HS6ST3: variants seen among roughly 807,000 people sequenced by gnomAD.
HS6ST3 encodes heparan sulfate 6-O-sulfotransferase 3.
A neutral mutation model predicts 36.7 loss-of-function variants in HS6ST3; 12 were observed. The ratio of observed to expected loss-of-function variants is 0.33; its 90% CI spans 0.21 to 0.53. HS6ST3 has a LOEUF of 0.53. Among genes scored for constraint, HS6ST3 ranks in the 20% least tolerant of loss-of-function variants. The probability of loss-of-function intolerance (pLI) is 0.95; values close to 1 mark genes in which losing one functional copy is unlikely to be tolerated. For missense variants in HS6ST3, 584 were observed against 640.9 expected (o/e 0.91, Z 0.96); for synonymous variants, 240 against 257.5 (o/e 0.93, Z 0.65).
At chr13:96,757,787 A>C (rs373741110) in intron 1 of HS6ST3, among the ~76,000 whole-genome samples, 2 of 152,168 alleles carry the variant, frequency 1.3e-5, no homozygotes, top group Non-Finnish European at 2.9e-5. Flanking sequence ...ATTTTCAACT[A>C]TTAAACCAAT....
Position 96,801,416 on chromosome 13 carries a change from C to T in HS6ST3, c.708-31074C>T, listed in dbSNP as rs927874163. 4.6e-5 allele frequency among the ~76,000 whole-genome samples: 7 copies of T among 152,148 alleles called. No homozygotes were observed. In the South Asian group the frequency reaches 1.2e-3, roughly 27 times the overall value. On this transcript the variant is annotated intron_variant, in intron 1 of 1. Coordinates refer to ENST00000376705, the MANE Select transcript of HS6ST3 (RefSeq NM_153456.4). Reference sequence around the variant, plus strand: ...AGATGCTGTCCAATATACCGTATGTCTTTCTAGGTTTATTTACCCTTCTGC... The same window carrying T: ...AGATGCTGTCCAATATACCGTATGTTTTTCTAGGTTTATTTACCCTTCTGC...
intron 1 of HS6ST3, among the ~76,000 whole-genome samples, chr13:96,787,379 T>C (rs1415648790): frequency 1.3e-5 from 2 of 152,148 alleles, no homozygotes; most frequent in African/African-American, 4.8e-5. Context: ...TTACAGTTGT[T>C]TCCCATCCTT....
chr13:96,481,160 C>T (rs1367873359), intron 1 of HS6ST3, among the ~76,000 whole-genome samples: 1 of 152,160 alleles, frequency 6.6e-6, no homozygotes, highest in African/African-American at 2.4e-5. Flanking sequence ...CCATCTCTGT[C>T]CTTTGCCCCA....
At chr13:96,285,214 A>G (rs1430198361) in intron 1 of HS6ST3, among the ~76,000 whole-genome samples, 24 of 152,140 alleles carry the variant, frequency 1.6e-4, no homozygotes, top group Admixed American at 1.6e-3. Context: ...AAAGATCTAC[A>G]ACTCTGACAT....
intron 1 of HS6ST3, among the ~76,000 whole-genome samples, chr13:96,317,956 C>G (rs1034848021): frequency 6.6e-6 from 1 of 151,906 alleles, no homozygotes; most frequent in African/African-American, 2.4e-5. Flanking sequence ...GATATTAGAT[C>G]TTTGTTAGAT....
chr13:96,798,634 C>A (rs374919256), intron 1 of HS6ST3, among the ~76,000 whole-genome samples: 1 of 152,030 alleles, frequency 6.6e-6, no homozygotes, highest in South Asian at 2.1e-4. Flanking sequence ...AATTTCTCTG[C>A]GCCTCAATGT....
rs547840993 is a variant in HS6ST3 at position 96,445,599 on chromosome 13, G to A, written c.707+354030G>A. Among the ~76,000 whole-genome samples the A allele has an allele frequency of 3.3e-5, 5 of 152,106 alleles. No homozygotes were observed. In the South Asian group the frequency reaches 8.3e-4, roughly 25 times the overall value. The stretch of plus-strand genomic sequence containing the variant: ...TACAATGTTATGGCTGGATGTGGTG[G>A]CTCACACCTGTAATCCCAGCACTTT... On this transcript the variant is annotated intron_variant, in intron 1 of 1. Coordinates refer to ENST00000376705, the MANE Select transcript of HS6ST3 (RefSeq NM_153456.4).
chr13:96,617,691 G>C (rs996628210), intron 1 of HS6ST3, among the ~76,000 whole-genome samples: 10 of 152,200 alleles, frequency 6.6e-5, no homozygotes, highest in Admixed American at 6.6e-4. Flanking sequence ...CTCTAGGTCA[G>C]TGGTTGGCAA....
chr13:96,659,345 TA>T (rs2056638370), intron 1 of HS6ST3, among the ~76,000 whole-genome samples: 1 of 152,176 alleles, frequency 6.6e-6, no homozygotes, highest in Non-Finnish European at 1.5e-5. Flanking sequence ...TGTTCAATTT[TA>T]AAAATAGTTT....
intron 1 of HS6ST3, among the ~76,000 whole-genome samples, chr13:96,768,524 A>G (rs1000735635): frequency 4.6e-5 from 7 of 152,140 alleles, no homozygotes; most frequent in Non-Finnish European, 7.3e-5. Context: ...TAGAATTTTA[A>G]CATGAATACT....
intron 1 of HS6ST3, among the ~76,000 whole-genome samples, chr13:96,094,536 G>A (rs1429397763): frequency 6.6e-6 from 1 of 152,128 alleles, no homozygotes; most frequent in Non-Finnish European, 1.5e-5. Flanking sequence ...TTTGCAGGGG[G>A]CAAGGTGGGG....
rs1185349932 is a variant in HS6ST3, at chr13:96,254,486, T to TACAC, written c.707+162918_707+162919insCACA. Among the ~76,000 whole-genome samples the TACAC allele has an allele frequency of 6.8e-4, 9 of 13,312 alleles. 1 individual carries two copies. The highest frequency in any genetic ancestry group is 2.7e-3 in the African/African-American group (9 of 3,380). The allele number at this position is 13,312 out of a possible 152,430, so 8.7% of individuals were successfully genotyped here. The stretch of plus-strand genomic sequence containing the variant: ...ATATATATATATATATATATATATA[T>TACAC]ATATATATATATACACATACATACA... On this transcript the variant is annotated intron_variant, in intron 1 of 1. Coordinates refer to ENST00000376705, the MANE Select transcript of HS6ST3 (RefSeq NM_153456.4).
intron 1 of HS6ST3, among the ~76,000 whole-genome samples, chr13:96,682,996 C>T (rs568096313): frequency 1.3e-5 from 2 of 152,156 alleles, no homozygotes; most frequent in African/African-American, 4.8e-5. Flanking sequence ...AACTTACCTG[C>T]ATTGAATGGA....
At chr13:96,672,590 C>G (rs951682306) in intron 1 of HS6ST3, among the ~76,000 whole-genome samples, 17 of 152,210 alleles carry the variant, frequency 1.1e-4, no homozygotes, top group Non-Finnish European at 1.8e-4. Context: ...GTTGGATCCC[C>G]CACCTCCTGG....
At chr13:96,305,057 A>G (rs2054905579) in intron 1 of HS6ST3, among the ~76,000 whole-genome samples, 1 of 151,986 alleles carries the variant, frequency 6.6e-6, no homozygotes, top group African/African-American at 2.4e-5. Flanking sequence ...TTCCACATTT[A>G]TTTATTCATC....
intron 1 of HS6ST3, among the ~76,000 whole-genome samples, chr13:96,182,270 A>G (rs1257732973): frequency 6.6e-6 from 1 of 152,112 alleles, no homozygotes; most frequent in Non-Finnish European, 1.5e-5. Flanking sequence ...ATAATATTGA[A>G]CCCTGCAATT....
At chr13:96,388,627 A>T (rs1046776080) in intron 1 of HS6ST3, among the ~76,000 whole-genome samples, 5 of 152,122 alleles carry the variant, frequency 3.3e-5, no homozygotes, top group African/African-American at 1.2e-4. Flanking sequence ...TTCCTACCTG[A>T]TATGGTTTGG....
intron 1 of HS6ST3, among the ~76,000 whole-genome samples, chr13:96,655,244 A>C (rs2139015326): frequency 6.6e-6 from 1 of 152,222 alleles, no homozygotes; most frequent in Admixed American, 6.5e-5. Context: ...AGGACTAGAA[A>C]GACGGTGAAC....
intron 1 of HS6ST3, among the ~76,000 whole-genome samples, chr13:96,746,754 C>G (rs1876571674): frequency 6.6e-6 from 1 of 152,036 alleles, no homozygotes; most frequent in Non-Finnish European, 1.5e-5. Context: ...CCCTGGAACT[C>G]TAATCTAATT....
Sources: allele counts gnomAD v4.1 joint callset (sites outside exome capture counted in the v4.1 genomes callset), GRCh38; gene constraint gnomAD v4.1.1; transcripts MANE v1.5; gene names NCBI Gene and HGNC (gene_info 2026-07-23, HGNC 2026-07-21).